The following NEGR1 variants were observed in gnomAD, a reference collection of about 807,000 sequenced individuals.
The protein encoded by NEGR1 is neuronal growth regulator 1.
NEGR1 carries 10 observed loss-of-function variants against 40.9 expected under a neutral mutation model. The observed-to-expected ratio is 0.24, with a 90% CI of 0.15 to 0.42. The LOEUF (loss-of-function observed/expected upper bound fraction) is 0.42. NEGR1 is among the 10% of genes least tolerant of loss of function. NEGR1 has a pLI of 1.00. For missense variants in NEGR1, 352 were observed against 438.9 expected, an observed-to-expected ratio of 0.80 and a Z score of 1.77; for synonymous variants, 185 against 166.8, an observed-to-expected ratio of 1.11 and a Z score of -0.84.
intron 2 of NEGR1, among the ~76,000 whole-genome samples, chr1:71,862,838 T>A (rs1028657577): frequency 6.6e-6 from 1 of 152,116 alleles, no homozygotes; most frequent in South Asian, 2.1e-4. Flanking sequence ...CCAACACACA[T>A]ATGAAAAGAA....
intron 1 of NEGR1, among the ~76,000 whole-genome samples, chr1:72,162,614 A>G (rs1435152305): frequency 6.6e-6 from 1 of 152,186 alleles, no homozygotes; most frequent in Admixed American, 6.6e-5. Context: ...TATAGCAAAC[A>G]CAACATAGCC....
At chr1:71,935,480 T>A (rs774194486) in intron 1 of NEGR1, among the ~76,000 whole-genome samples, 169 bp from the exon 2 acceptor site, 1 of 152,024 alleles carries the variant, frequency 6.6e-6, no homozygotes, top group Non-Finnish European at 1.5e-5. Context: ...CCATTCCCAA[T>A]GCAAATGTGA....
intron 6 of NEGR1, among the ~76,000 whole-genome samples, chr1:71,427,244 G>A (rs1353635366): frequency 6.6e-6 from 1 of 152,144 alleles, no homozygotes; most frequent in Non-Finnish European, 1.5e-5. Flanking sequence ...AATGTGCTCT[G>A]CCTGTGTGCT....
intron 1 of NEGR1, among the ~76,000 whole-genome samples, chr1:72,105,388 T>A (rs1393542316): frequency 6.6e-6 from 1 of 151,982 alleles, no homozygotes; most frequent in Non-Finnish European, 1.5e-5. Flanking sequence ...AATGCATAGA[T>A]TATTTATTAA....
chr1:71,475,703 GTCGTTAGGAAAAA>G, intron 6 of NEGR1, among the ~76,000 whole-genome samples: 1 of 152,020 alleles, frequency 6.6e-6, no homozygotes, highest in Non-Finnish European at 1.5e-5. Flanking sequence ...TCCTAAGAAG[GTCGTTAGGAAAAA>G]ACATTATTCT....
chr1:71,512,603 G>T (rs1468543543), intron 6 of NEGR1, among the ~76,000 whole-genome samples: 2 of 146,984 alleles, frequency 1.4e-5, no homozygotes, highest in African/African-American at 2.5e-5. Flanking sequence ...TTTTTTTTGA[G>T]AGTGAGTCTT....
chr1:71,932,032 C>T (rs1323518683), intron 2 of NEGR1, among the ~76,000 whole-genome samples: 2 of 151,912 alleles, frequency 1.3e-5, no homozygotes, highest in African/African-American at 4.8e-5. Flanking sequence ...CAGTTTCAAC[C>T]CTTTTAAAGC....
chr1:71,419,094 C>A (rs560523365), intron 6 of NEGR1, among the ~76,000 whole-genome samples: 5 of 152,140 alleles, frequency 3.3e-5, no homozygotes, highest in African/African-American at 1.2e-4. Flanking sequence ...CAGTTATGCA[C>A]AGCTAGTACC....
intron 1 of NEGR1, among the ~76,000 whole-genome samples, chr1:72,021,121 A>C (rs1338387179): frequency 6.6e-6 from 1 of 152,154 alleles, no homozygotes; most frequent in Non-Finnish European, 1.5e-5. Context: ...TCAAAAATAA[A>C]ATATTACATT....
rs1041865352 is a variant in NEGR1, at chr1:71,760,753, G to T, written c.535+15419C>A. On this transcript the variant is annotated intron_variant, in intron 3 of 6. Coordinates refer to ENST00000357731, the MANE Select transcript of NEGR1 (RefSeq NM_173808.3). The stretch of plus-strand genomic sequence containing the variant: ...TGTAGTGTCAGGATTGCAACCTGAA[G>T]CAAGGTTCATAAAGAATTACAGTGT... 1.2e-4 allele frequency among the ~76,000 whole-genome samples: 19 copies of T among 152,048 alleles called. 1 individual carries two copies. Among genetic ancestry groups the T allele is most frequent in the African/African-American group, 4.3e-4 (18 of 41,390 alleles).
chr1:72,261,188 T>G (rs1264221882), intron 1 of NEGR1, among the ~76,000 whole-genome samples: 1 of 152,110 alleles, frequency 6.6e-6, no homozygotes, highest in African/African-American at 2.4e-5. Flanking sequence ...CTATAAATGA[T>G]GAGACCATAA....
rs145539420 is a variant in NEGR1, at chr1:71,525,892, C to T, written c.940+66925G>A. Among the ~76,000 whole-genome samples the T allele has an allele frequency of 2.3e-3, 356 of 151,568 alleles. 1 individual carries two copies. The highest frequency in any genetic ancestry group is 8.4e-3 in the African/African-American group (348 of 41,430). ...ACATATTAAATACTTGTGATTAGTA[C>T]ACGTGGTGCCTGACTTTGAAGCATT... On this transcript the variant is annotated intron_variant, in intron 6 of 6. Transcript: ENST00000357731.
At chr1:72,142,702 T>A (rs1427633012) in intron 1 of NEGR1, among the ~76,000 whole-genome samples, 1 of 151,890 alleles carries the variant, frequency 6.6e-6, no homozygotes, top group African/African-American at 2.4e-5. Flanking sequence ...TCTCATTGAA[T>A]TCTAACAGCA....
chr1:71,433,815 T>C (rs939241169), intron 6 of NEGR1, among the ~76,000 whole-genome samples: 1 of 152,238 alleles, frequency 6.6e-6, no homozygotes, highest in Non-Finnish European at 1.5e-5. Context: ...AGATTATCTT[T>C]CTCTATAAGC....
chr1:72,272,484 A>G (rs1655876921), intron 1 of NEGR1, among the ~76,000 whole-genome samples: 1 of 151,990 alleles, frequency 6.6e-6, no homozygotes, highest in South Asian at 2.1e-4. Context: ...TCTGTTTATT[A>G]GATACCCTTA....
intron 1 of NEGR1, among the ~76,000 whole-genome samples, chr1:72,006,311 G>A (rs900218993): frequency 6.6e-6 from 1 of 152,122 alleles, no homozygotes; most frequent in Non-Finnish European, 1.5e-5. Context: ...AGTTCTGAGA[G>A]TAAATAAGCC....
At chr1:71,990,676 A>G (rs1372958370) in intron 1 of NEGR1, among the ~76,000 whole-genome samples, 1 of 152,124 alleles carries the variant, frequency 6.6e-6, no homozygotes, top group Non-Finnish European at 1.5e-5. Context: ...GAATAGTCCT[A>G]GTCTACCAAA....
At chr1:72,160,800 G>A (rs895053497) in intron 1 of NEGR1, among the ~76,000 whole-genome samples, 3 of 152,094 alleles carry the variant, frequency 2.0e-5, no homozygotes, top group Non-Finnish European at 4.4e-5. Context: ...ATTACCTGAA[G>A]GTAGAAAAAT....
At chr1:72,245,826 C>A (rs1654883818) in intron 1 of NEGR1, among the ~76,000 whole-genome samples, 1 of 152,012 alleles carries the variant, frequency 6.6e-6, no homozygotes, top group Admixed American at 6.6e-5. Flanking sequence ...TTTCACACTT[C>A]TAATACATGC....
Sources: allele counts gnomAD v4.1 joint callset (sites outside exome capture counted in the v4.1 genomes callset), GRCh38; gene constraint gnomAD v4.1.1; transcripts MANE v1.5; gene names NCBI Gene and HGNC (gene_info 2026-07-23, HGNC 2026-07-21).